Variants in WLS observed in about 807,000 individuals in gnomAD.
WLS encodes Wnt ligand secretion mediator.
Under a neutral mutation model 62.8 loss-of-function variants are expected in WLS, and 23 were observed. The ratio of observed to expected loss-of-function variants is 0.37; its 90% confidence interval spans 0.26 to 0.52. The LOEUF (loss-of-function observed/expected upper bound fraction) is 0.52. Ranked by LOEUF, WLS falls within the 20% of genes least tolerant of loss-of-function variation. The pLI is 0.92. For missense variants in WLS, 615 were observed against 697.3 expected, an observed-to-expected ratio of 0.88 and a Z score of 1.33; for synonymous variants, 246 against 244.1, an observed-to-expected ratio of 1.01 and a Z score of -0.07.
intron 1 of WLS, among the ~76,000 whole-genome samples, chr1:68,223,509 A>G (rs1024024582): frequency 1.3e-5 from 2 of 152,212 alleles, no homozygotes; most frequent in African/African-American, 4.8e-5. Context: ...TGTCGTGTGT[A>G]AGTTTCCCCA....
chr1:68,228,329 G>A, intron 1 of WLS: 1 of 380,966 alleles, frequency 2.6e-6, no homozygotes, highest in Non-Finnish European at 5.1e-6. Flanking sequence ...GAAGAGCTGA[G>A]AACAGTGACC....
chr1:68,127,827 C>T (rs770958921), intron 11 of WLS, among the ~76,000 whole-genome samples: 1 of 152,210 alleles, frequency 6.6e-6, no homozygotes, highest in African/African-American at 2.4e-5. Context: ...TTAAGAACTG[C>T]TAGGCATCAA....
At chr1:68,186,686 T>C (rs879151215) in intron 2 of WLS, 6 of 455,704 alleles carry the variant, frequency 1.3e-5, no homozygotes, top group Admixed American at 7.1e-5. Flanking sequence ...ATAAACAATA[T>C]AAAAAGTAGA....
At position 68,125,977 on chromosome 1, in the gene WLS, T is replaced by A; in HGVS notation, c.*249A>T. On this transcript the variant is annotated 3_prime_UTR_variant, in exon 12 of 12. Transcript: ENST00000262348. ...ATGTTACTATGTCACTAATTAACAA[T>A]GATCACAGAAAATGTGTCATACCAG... 20 of 1,197,240 alleles carry A rather than the reference T, an allele frequency of 1.7e-5. No homozygotes were observed. Among genetic ancestry groups the A allele is most frequent in the East Asian group, 8.4e-5 (2 of 23,762 alleles). The allele number at this position is 1,197,240 out of a possible 1,614,324, so 74.2% of individuals were successfully genotyped here.
Position 68,158,650 on chromosome 1 carries a change from T to C in WLS, c.504+473A>G, listed in dbSNP as rs531348136. On this transcript the variant is annotated intron_variant, in intron 3 of 11. Coordinates refer to ENST00000262348, the MANE Select transcript of WLS (RefSeq NM_024911.7). ...GTTTTAAGAAAGTAATGAATTTACA[T>C]TGGGCCACATTCAAAGCCGTCCTGG... Among the ~76,000 whole-genome samples the C allele has an allele frequency of 2.2e-4, 34 of 152,132 alleles. No individual in the cohort carries two copies. The East Asian group carries it at 5.6e-3, about 25-fold the overall frequency.
chr1:68,131,924 C>T (rs1266452453), intron 11 of WLS, among the ~76,000 whole-genome samples: 1 of 152,156 alleles, frequency 6.6e-6, no homozygotes, highest in Admixed American at 6.5e-5. Flanking sequence ...ACAAGCCAGA[C>T]AGAGAGGTCT....
chr1:68,193,530 T>A (rs1648485677), intron 2 of WLS, among the ~76,000 whole-genome samples: 1 of 147,926 alleles, frequency 6.8e-6, no homozygotes, highest in South Asian at 2.2e-4. Context: ...AGGCCATAGC[T>A]TTACTCAAAG....
intron 2 of WLS, among the ~76,000 whole-genome samples, chr1:68,186,963 G>A (rs936594636): frequency 1.4e-4 from 21 of 151,896 alleles, no homozygotes; most frequent in African/African-American, 4.3e-4. Flanking sequence ...TGTAATCCCC[G>A]CATTTTGGGA....
At position 68,106,812 on chromosome 1, in the gene WLS, A is replaced by T. The variant is rs1646153356; in HGVS notation, c.1511-8059T>A. On this transcript the variant is annotated intron_variant, in intron 11 of 11. Coordinates refer to the WLS transcript ENST00000354777. ...ACTGGTATGCAGTGTCCAGGACAAGAGATGCTTAATGTCCTGCAACACGAG... is the reference window on the plus strand; with the variant it reads ...ACTGGTATGCAGTGTCCAGGACAAGTGATGCTTAATGTCCTGCAACACGAG... 2.0e-5 allele frequency among the ~76,000 whole-genome samples: 3 copies of T among 152,034 alleles called. No individual in the cohort carries two copies. The South Asian group carries it at 6.2e-4, about 32-fold the overall frequency.
chr1:68,162,908 G>C (rs373878979), intron 2 of WLS: 3 of 1,568,774 alleles, frequency 1.9e-6, no homozygotes, highest in East Asian at 2.2e-5. Flanking sequence ...TGGACTGCGC[G>C]TCACAGAAGG....
At chr1:68,223,965 A>C (rs1317152224) in intron 1 of WLS, among the ~76,000 whole-genome samples, 2 of 152,230 alleles carry the variant, frequency 1.3e-5, no homozygotes, top group African/African-American at 4.8e-5. Context: ...AACTGAGTCA[A>C]CCATTTACAG....
In WLS at chr1:68,227,007, A is replaced by G. The variant is rs560964358; in HGVS notation, c.106+5187T>C. On this transcript the variant is annotated intron_variant, in intron 1 of 11. Transcript: ENST00000262348. ...CTGAAAACCTCACAAAGCCACACATAACACTATTAGCTCAAGGAAATGTTT... is the reference window on the plus strand; with the variant it reads ...CTGAAAACCTCACAAAGCCACACATGACACTATTAGCTCAAGGAAATGTTT... Among the ~76,000 whole-genome samples the G allele has an allele frequency of 4.6e-5, 7 of 152,322 alleles. No individual in the cohort carries two copies. The South Asian group carries it at 1.2e-3, about 27-fold the overall frequency.
chr1:68,194,632 G>A (rs1311665005), intron 1 of WLS, among the ~76,000 whole-genome samples: 1 of 152,154 alleles, frequency 6.6e-6, no homozygotes, highest in Non-Finnish European at 1.5e-5. Flanking sequence ...TTCGAAGCCT[G>A]GTTAAAAACC....
At chr1:68,105,710 G>A (rs944497144) in intron 11 of WLS, among the ~76,000 whole-genome samples, 3 of 152,180 alleles carry the variant, frequency 2.0e-5, no homozygotes, top group Non-Finnish European at 4.4e-5. Context: ...AAGGTGAGGG[G>A]TGTTAGTGAT....
At chr1:68,128,499 T>C (rs1317838163) in intron 11 of WLS, among the ~76,000 whole-genome samples, 1 of 152,248 alleles carries the variant, frequency 6.6e-6, no homozygotes, top group African/African-American at 2.4e-5. Context: ...TTAGCACTCA[T>C]AACCGTTTAC....
intron 2 of WLS, among the ~76,000 whole-genome samples, chr1:68,179,284 C>T (rs960579197): frequency 6.6e-6 from 1 of 152,158 alleles, no homozygotes; most frequent in Non-Finnish European, 1.5e-5. Context: ...GGACTCTCAA[C>T]TTCAGAGAGT....
intron 10 of WLS, among the ~76,000 whole-genome samples, chr1:68,144,364 T>A (rs1254893089): frequency 6.6e-6 from 1 of 152,198 alleles, no homozygotes; most frequent in Non-Finnish European, 1.5e-5. Flanking sequence ...ATTTGGAAAC[T>A]TTTATCTCCT....
At chr1:68,230,909 C>CT (rs1163947185) in intron 1 of WLS, among the ~76,000 whole-genome samples, 1 of 152,192 alleles carries the variant, frequency 6.6e-6, no homozygotes, top group Admixed American at 6.5e-5. Context: ...GTGCCCAAGC[C>CT]TGTGCAGCTC....
intron 1 of WLS, chr1:68,228,350 A>C: frequency 2.9e-6 from 1 of 350,038 alleles, no homozygotes; most frequent in Non-Finnish European, 5.6e-6. Context: ...TGCTTTTTCA[A>C]CCATTATATT....
Sources: gnomAD v4.1 joint callset for allele counts (sites outside exome capture counted in the v4.1 genomes callset) on GRCh38, gnomAD v4.1.1 for gene constraint, MANE v1.5 for transcripts, NCBI Gene and HGNC (gene_info 2026-07-23, HGNC 2026-07-21) for gene names.